The following TSPAN14 variants were observed in gnomAD, a reference collection of about 807,000 sequenced individuals.
The protein encoded by TSPAN14 is tetraspanin 14.
TSPAN14 carries 16 observed loss-of-function variants against 36.6 expected under a neutral mutation model. The ratio of observed to expected loss-of-function variants is 0.44; its 90% CI spans 0.30 to 0.66. The LOEUF (loss-of-function observed/expected upper bound fraction) is 0.66. Ranked by LOEUF, TSPAN14 falls within the 30% of genes least tolerant of loss-of-function variation. The probability of loss-of-function intolerance (pLI) is 0.12; values close to 1 mark genes in which losing one functional copy is unlikely to be tolerated. For missense variants in TSPAN14, 231 were observed against 355.1 expected (o/e 0.65, Z 2.81); for synonymous variants, 139 against 143.8 (o/e 0.97, Z 0.24).
At chr10:80,481,288 G>A (rs1296287228) in intron 1 of TSPAN14, among the ~76,000 whole-genome samples, 1 of 152,166 alleles carries the variant, frequency 6.6e-6, no homozygotes, top group Non-Finnish European at 1.5e-5. Flanking sequence ...AAGGCCCCAG[G>A]AGGATTTCTT....
At chr10:80,478,767 A>G (rs564311612) in intron 1 of TSPAN14, among the ~76,000 whole-genome samples, 49 of 152,332 alleles carry the variant, frequency 3.2e-4, no homozygotes, top group African/African-American at 1.2e-3. Context: ...GTATCCTGTA[A>G]TCCCAGCACT....
At chr10:80,473,006 T>C (rs1846644018) in intron 1 of TSPAN14, among the ~76,000 whole-genome samples, 1 of 152,204 alleles carries the variant, frequency 6.6e-6, no homozygotes, top group African/African-American at 2.4e-5. Flanking sequence ...GTTTTTAGTG[T>C]GCACCTTGTG....
chr10:80,455,232 G>T (rs1010862343), intron 1 of TSPAN14, among the ~76,000 whole-genome samples: 1 of 152,164 alleles, frequency 6.6e-6, no homozygotes. Context: ...TTGATCTCCG[G>T]CGAGAAACAG....
chr10:80,521,305 ATCCTGCTGTCATGGGAAG>A, exon 9 of TSPAN14: 1 of 161,514 alleles, frequency 6.2e-6, no homozygotes, highest in Non-Finnish European at 1.4e-5. Flanking sequence ...CACCTGAGGC[ATCCTGCTGTCATGGGAAG>A]GTCTCCGCCC....
intron 3 of TSPAN14, 44 bp from the exon 4 acceptor site, chr10:80,507,183 TC>T: frequency 6.2e-7 from 1 of 1,612,812 alleles, no homozygotes; most frequent in Non-Finnish European, 8.5e-7. Context: ...CATCCTTGAC[TC>T]CCCTTCTGGG....
chr10:80,490,908 T>C (rs565882058), intron 2 of TSPAN14, among the ~76,000 whole-genome samples: 1 of 152,264 alleles, frequency 6.6e-6, no homozygotes, highest in South Asian at 2.1e-4. Flanking sequence ...AAACATAGTT[T>C]ATGAATATCT....
Position 80,509,246 on chromosome 10 carries a change from T to G in TSPAN14, c.280-55T>G. The G allele has an allele frequency of 6.4e-7, 1 of 1,573,040 alleles. No individual in the cohort carries two copies. Among genetic ancestry groups the G allele is most frequent in the Non-Finnish European group, 8.7e-7 (1 of 1,153,848 alleles). On this transcript the variant is annotated intron_variant, in intron 4 of 8. Transcript: ENST00000429989. The surrounding 1 kb of genome is among the most constrained non-coding windows in gnomAD (Gnocchi z 4.7). ...TCTGGGTCAGGTGGGGTTATGTGTGTGGGGGTGCAGGCTGGTGGGGTGGTG... is the reference window on the plus strand; with the variant it reads ...TCTGGGTCAGGTGGGGTTATGTGTGGGGGGGTGCAGGCTGGTGGGGTGGTG...
At position 80,509,386 on chromosome 10, in the gene TSPAN14, G is replaced by A. The variant is rs764668882; in HGVS notation, c.365G>A (p.Arg122Gln). The change falls in exon 5 of 9, where the codon CGG becomes CAG. Residue 122 changes from arginine (R) to glutamine (Q), a missense_variant. Transcript: ENST00000429989. The surrounding 1 kb of genome is among the most constrained non-coding windows in gnomAD (Gnocchi z 4.7). ...CTGTTCCAGGACTGGGTGAGGGACC[G>A]GTTCCGGGAGTTCTTCGAGAGCAAC... The A allele has an allele frequency of 3.1e-6, 5 of 1,614,044 alleles. No homozygotes were observed. Among genetic ancestry groups the A allele is most frequent in the East Asian group, 2.2e-5 (1 of 44,884 alleles).
At chr10:80,510,809 A>G (rs531710100) in intron 5 of TSPAN14, among the ~76,000 whole-genome samples, 226 of 152,220 alleles carry the variant, frequency 1.5e-3, no homozygotes, top group African/African-American at 4.9e-3. Context: ...GGGAGGCGGA[A>G]CTGGCAGTGA....
chr10:80,468,210 C>T (rs1846343879), intron 1 of TSPAN14, among the ~76,000 whole-genome samples: 2 of 152,278 alleles, frequency 1.3e-5, no homozygotes, highest in South Asian at 4.2e-4. Context: ...ACCAGGCCCC[C>T]CTGTGCCTGT....
chr10:80,507,351 G>A (rs766313150), exon 4 of TSPAN14: 3 of 1,614,220 alleles, frequency 1.9e-6, no homozygotes, highest in Non-Finnish European at 2.5e-6. Context: ...GGCTCTGCGG[G>A]AGAATATCTG....
chr10:80,492,083 C>T (rs1469944529), intron 2 of TSPAN14, among the ~76,000 whole-genome samples: 1 of 152,180 alleles, frequency 6.6e-6, no homozygotes, highest in East Asian at 1.9e-4. Flanking sequence ...GGCTAAGCCT[C>T]AGTGTTTTCC....
At chr10:80,520,246 G>A (rs1841188801) in exon 9 of TSPAN14, 2 of 235,024 alleles carry the variant, frequency 8.5e-6, no homozygotes, top group Non-Finnish European at 1.7e-5. Context: ...ACCTGGTTTA[G>A]GATGAAGTCT....
At chr10:80,497,797 C>T (rs1329952969) in intron 2 of TSPAN14, among the ~76,000 whole-genome samples, 1 of 152,220 alleles carries the variant, frequency 6.6e-6, no homozygotes, top group Non-Finnish European at 1.5e-5. Context: ...GAGCCCTCTG[C>T]ACAGTCCTTC....
At chr10:80,468,219 G>C (rs961087745) in intron 1 of TSPAN14, among the ~76,000 whole-genome samples, 7 of 152,144 alleles carry the variant, frequency 4.6e-5, no homozygotes, top group African/African-American at 1.7e-4. Flanking sequence ...CCCTGTGCCT[G>C]TTGCCCGTCT....
At chr10:80,515,807 C>T (rs981219587) in intron 7 of TSPAN14, 1 of 170,290 alleles carries the variant, frequency 5.9e-6, no homozygotes, top group East Asian at 1.6e-4. Flanking sequence ...CCGAGAAGCA[C>T]CCTTCTTCTC....
exon 1 of TSPAN14, chr10:80,454,361 G>C (rs1430148844): frequency 6.6e-6 from 1 of 152,378 alleles, no homozygotes; most frequent in Non-Finnish European, 1.5e-5. Flanking sequence ...CGCTGCCGCC[G>C]CCGCGCGCGG....
intron 1 of TSPAN14, among the ~76,000 whole-genome samples, chr10:80,464,600 C>A (rs1377153759): frequency 1.3e-5 from 2 of 152,168 alleles, no homozygotes; most frequent in African/African-American, 2.4e-5. Context: ...GGCTTGTGTC[C>A]CTGCCATGGC....
chr10:80,515,103 TAAG>T (rs1378333199), intron 7 of TSPAN14, among the ~76,000 whole-genome samples: 1 of 152,224 alleles, frequency 6.6e-6, no homozygotes, highest in Non-Finnish European at 1.5e-5. Flanking sequence ...TGGACTAAGA[TAAG>T]AACCTATATC....
Sources: gnomAD v4.1 joint callset for allele counts (sites outside exome capture counted in the v4.1 genomes callset) on GRCh38, gnomAD v4.1.1 for gene constraint, Gnocchi (gnomAD v3.1) non-coding constraint, MANE v1.5 for transcripts, NCBI Gene and HGNC (gene_info 2026-07-23, HGNC 2026-07-21) for gene names.